The following CBX2 variants were observed in gnomAD, a reference collection of about 807,000 sequenced individuals.
CBX2 encodes the protein chromobox protein homolog 2.
In CBX2, 11 loss-of-function variants were observed where a neutral mutation model predicts 21.0. The ratio of observed to expected loss-of-function variants is 0.52; its 90% CI spans 0.33 to 0.87. The LOEUF (loss-of-function observed/expected upper bound fraction) is 0.87, where lower values mean the gene tolerates loss of function less well. Among genes scored for constraint, CBX2 ranks in the 40% least tolerant of loss-of-function variants. CBX2 has a pLI of 0.02. For missense variants in CBX2, 746 were observed against 724.3 expected, an observed-to-expected ratio of 1.03 and a Z score of -0.34; for synonymous variants, 364 against 304.6, an observed-to-expected ratio of 1.19 and a Z score of -2.03.
chr17:79,784,837 G>A lies in CBX2; in HGVS notation c.1394G>A (p.Ser465Asn). The change falls in exon 5 of 5, where the codon AGC becomes AAC. Residue 465 changes from serine to asparagine, a missense_variant. This residue lies in a region of CBX2 where 701 missense variants were observed against 650.7 expected (regional missense o/e 1.08). Transcript: ENST00000310942. The surrounding 1 kb of genome is among the most constrained non-coding windows in gnomAD (Gnocchi z 5.9). ...LPEMSAGEESSSSDSDPDSAS... is the reference protein window; with the variant it reads ...LPEMSAGEESNSSDSDPDSAS... ...GAGATGAGCGCAGGTGAGGAGAGTA[G>A]CAGCTCGGACTCCGACCCCGACTCC... The A allele has an allele frequency of 6.2e-7, 1 of 1,612,402 alleles. No individual in the cohort carries two copies. Among genetic ancestry groups the A allele is most frequent in the African/African-American group, 1.3e-5 (1 of 75,038 alleles).
intron 4 of CBX2, 89 bp downstream of exon 4, chr17:79,781,890 G>A (rs1555830393): frequency 1.9e-6 from 3 of 1,614,072 alleles, no homozygotes; most frequent in Admixed American, 1.7e-5. Context: ...GGGCCCTCAG[G>A]AAGGGGGTGG....
intron 4 of CBX2, chr17:79,782,264 T>C: frequency 6.4e-7 from 1 of 1,557,766 alleles, no homozygotes; most frequent in Admixed American, 1.9e-5. Context: ...CAGGGCTGAC[T>C]GAATAGCCAG....
At chr17:79,783,630 G>A (rs192651504) in intron 4 of CBX2, 102 bp from the exon 5 acceptor site, 105 of 1,016,482 alleles carry the variant, frequency 1.0e-4, no homozygotes, top group Non-Finnish European at 6.0e-6. Context: ...GGCTGGTCTT[G>A]AACTCCTGAC....
Position 79,784,222 on chromosome 17 carries a change from T to C in CBX2, c.779T>C (p.Met260Thr). The C allele has an allele frequency of 1.2e-6, 2 of 1,612,842 alleles. No individual in the cohort carries two copies. The highest frequency in any genetic ancestry group is 1.7e-6 in the Non-Finnish European group (2 of 1,179,928). Residue 260 changes from methionine to threonine, a missense_variant, in exon 5 of 5, where the codon ATG becomes ACG. This residue lies in a region of CBX2 where 701 missense variants were observed against 650.7 expected (regional missense o/e 1.08). Transcript: ENST00000310942. This position sits in a 1 kb window ranked among gnomAD's most constrained non-coding sequence, Gnocchi z 5.9. ...TGGCAGAGCTCCATCGTGCACTACA[T>C]GAACCGGATGACCCAGAGCCAGGCC... The part of the protein sequence containing the change: ...ISWQSSIVHY[M>T]NRMTQSQAQA...
At position 79,785,079 on chromosome 17, in the gene CBX2, T is replaced by C. The variant is rs1355762314; in HGVS notation, c.*37T>C. ...CACCAGCTGCGCGGTCTTACTCCCCTTCCCTGCCTATGGTGTCGCTTGGCT... is the reference window on the plus strand; with the variant it reads ...CACCAGCTGCGCGGTCTTACTCCCCCTCCCTGCCTATGGTGTCGCTTGGCT... On this transcript the variant is annotated 3_prime_UTR_variant, in exon 5 of 5. Transcript: ENST00000310942. 8 of 1,536,674 alleles carry C rather than the reference T, an allele frequency of 5.2e-6. No individual in the cohort carries two copies. The highest frequency in any genetic ancestry group is 7.1e-6 in the Non-Finnish European group (8 of 1,123,434).
intron 4 of CBX2, among the ~76,000 whole-genome samples, chr17:79,783,107 G>T (rs937953064): frequency 6.6e-6 from 1 of 152,186 alleles, no homozygotes; most frequent in Non-Finnish European, 1.5e-5. Flanking sequence ...CTGCTCTACA[G>T]CCCGGAGCTA....
At position 79,783,971 on chromosome 17, in the gene CBX2, C is replaced by T; in HGVS notation, c.528C>T (p.Thr176=). ...RKPLPPEQKA[T]RRPVSLAKVL... is the part of the protein sequence containing the mutation. ...CCCTGCCCCCAGAGCAAAAGGCAAC[C>T]CGAAGACCCGTGAGCCTGGCCAAGG... is the stretch of plus-strand genomic sequence containing the variant. The change falls in exon 5 of 5, where the codon ACC becomes ACT. Residue 176 remains threonine (T), a synonymous_variant. Coordinates refer to ENST00000310942, the MANE Select transcript of CBX2 (RefSeq NM_005189.3). The T allele has an allele frequency of 6.2e-7, 1 of 1,613,808 alleles. No homozygotes were observed. Among genetic ancestry groups the T allele is most frequent in the Non-Finnish European group, 8.5e-7 (1 of 1,180,036 alleles).
chr17:79,783,663 G>A, intron 4 of CBX2, 69 bp from the exon 5 acceptor site: 2 of 1,378,934 alleles, frequency 1.5e-6, no homozygotes, highest in Non-Finnish European at 2.0e-6. Context: ...ACCCGCTTCG[G>A]CCTCCCAAAG....
Position 79,784,404 on chromosome 17 carries a change from G to A in CBX2, c.961G>A (p.Val321Met). 6.2e-7 allele frequency: 1 copy of A among 1,612,422 alleles called. No individual in the cohort carries two copies. The highest frequency in any genetic ancestry group is 8.5e-7 in the Non-Finnish European group (1 of 1,179,660). Residue 321 changes from valine (V) to methionine (M), a missense_variant, in exon 5 of 5, where the codon GTG (valine) becomes ATG (methionine). By Grantham distance (21) the Val-to-Met change is conservative. Transcript: ENST00000310942. This position sits in a 1 kb window ranked among gnomAD's most constrained non-coding sequence, Gnocchi z 5.9. ...CAGCGGTGGGGCTGTGGAGCAGAAA[G>A]TGGGGAACACAGGGGGCCCCCCGCA... ...APSGGAVEQK[V>M]GNTGGPPHTH...
Position 79,785,417 on chromosome 17 carries a change from T to C in CBX2, c.*375T>C. Reference sequence around the variant, plus strand: ...CTCCTCCCTGGCCTGCGTGACTGAATCACAGCTTTGGTCCCTGTCTTGCAG... The same window carrying C: ...CTCCTCCCTGGCCTGCGTGACTGAACCACAGCTTTGGTCCCTGTCTTGCAG... On this transcript the variant is annotated 3_prime_UTR_variant, in exon 5 of 5. Transcript: ENST00000310942. 3.2e-6 allele frequency: 1 copy of C among 311,824 alleles called. No homozygotes were observed. The highest frequency in any genetic ancestry group is 6.2e-6 in the Non-Finnish European group (1 of 160,942). 19.3% of individuals were successfully genotyped at this position (311,824 alleles called of 1,614,324 possible).
At position 79,787,421 on chromosome 17, in the gene CBX2, G is replaced by A. The variant is rs1323389767; in HGVS notation, c.*2379G>A. On this transcript the variant is annotated 3_prime_UTR_variant, in exon 5 of 5. Transcript: ENST00000310942. ...TGAATCTGCAGATACCTTACTCCCA[G>A]CCACTTTGCCTTCTTACTGTGTTGT... 6.5e-6 allele frequency: 1 copy of A among 152,702 alleles called. No homozygotes were observed. Among genetic ancestry groups the A allele is most frequent in the African/African-American group, 2.4e-5 (1 of 41,456 alleles). The allele number at this position is 152,702 out of a possible 1,614,324, so 9.5% of individuals were successfully genotyped here.
chr17:79,782,077 C>T (rs2145825368), intron 4 of CBX2: 1 of 1,613,838 alleles, frequency 6.2e-7, no homozygotes, highest in South Asian at 1.1e-5. Flanking sequence ...GGTCAAACTG[C>T]TGCAGACAAG....
rs1906949745 is a variant in CBX2 at position 79,778,948 on chromosome 17, C to T, written c.117-414C>T. On this transcript the variant is annotated intron_variant, in intron 2 of 4. Transcript: ENST00000310942. The surrounding 1 kb of genome is among the most constrained non-coding windows in gnomAD (Gnocchi z 4.8). ...TCGAGGTGCCCCGGCCCGCGCGCCA[C>T]ATTGTTCTGGATCTCGGGCTGGGCG... Among the ~76,000 whole-genome samples the T allele has an allele frequency of 6.6e-6, 1 of 152,222 alleles. No homozygotes were observed. The highest frequency in any genetic ancestry group is 2.1e-4 in the South Asian group (1 of 4,828).
At position 79,784,536 on chromosome 17, in the gene CBX2, A is replaced by G. The variant is rs782079665; in HGVS notation, c.1093A>G (p.Met365Val). 4 of 1,612,480 alleles carry G rather than the reference A, an allele frequency of 2.5e-6. No individual in the cohort carries two copies. Among genetic ancestry groups the G allele is most frequent in the Non-Finnish European group, 3.4e-6 (4 of 1,179,862 alleles). Residue 365 changes from methionine to valine, a missense_variant, in exon 5 of 5, where the codon ATG becomes GTG. Physicochemically the swap from Met to Val is conservative, Grantham distance 21. Around this residue, in one of 2 missense-constraint regions of CBX2, gnomAD observed 701 missense variants for 650.7 expected, o/e 1.08. Transcript: ENST00000310942. The surrounding 1 kb of genome is among the most constrained non-coding windows in gnomAD (Gnocchi z 5.9). Reference sequence around the variant, plus strand: ...GGACTTGCAGAGTGTCAAGAATGGCATGCCCGGGGTGGGTCTCCTTGCCCG... The same window carrying G: ...GGACTTGCAGAGTGTCAAGAATGGCGTGCCCGGGGTGGGTCTCCTTGCCCG... The part of the protein sequence containing the change: ...VLDLQSVKNG[M>V]PGVGLLARHA...
chr17:79,781,409 C>T (rs899041489), intron 3 of CBX2, among the ~76,000 whole-genome samples: 1 of 152,140 alleles, frequency 6.6e-6, no homozygotes, highest in Non-Finnish European at 1.5e-5. Context: ...AGTGCACCTG[C>T]AGGAAGCTGT....
chr17:79,779,682 A>C (rs1373597312), intron 3 of CBX2: 1 of 541,984 alleles, frequency 1.8e-6, no homozygotes, highest in East Asian at 3.0e-5. Context: ...TGTTTCCGAC[A>C]GCCATACTTG....
In CBX2 at chr17:79,784,736, C is replaced by T. The variant is rs1555831336; in HGVS notation, c.1293C>T (p.Val431=). The change falls in exon 5 of 5, where the codon GTC becomes GTT. Residue 431 remains valine, a synonymous_variant. Transcript: ENST00000310942. This position sits in a 1 kb window ranked among gnomAD's most constrained non-coding sequence, Gnocchi z 5.9. The part of the protein sequence containing the change: ...PPTPASKRDC[V]KGSATPSGQE... ...CCCCTGCCAGCAAGAGGGACTGTGT[C>T]AAGGGCAGTGCTACCCCCAGTGGGC... is the stretch of plus-strand genomic sequence containing the variant. The T allele has an allele frequency of 6.2e-7, 1 of 1,611,272 alleles. No homozygotes were observed. Among genetic ancestry groups the T allele is most frequent in the East Asian group, 2.2e-5 (1 of 44,788 alleles).
chr17:79,784,524 G>A lies in CBX2; in HGVS notation c.1081G>A (p.Val361Ile). The A allele has an allele frequency of 6.2e-7, 1 of 1,612,682 alleles. No individual in the cohort carries two copies. ...LSLQVLDLQS[V>I]KNGMPGVGLL... ...CCTCCAGGTCTTGGACTTGCAGAGTGTCAAGAATGGCATGCCCGGGGTGGG... is the reference window on the plus strand; with the variant it reads ...CCTCCAGGTCTTGGACTTGCAGAGTATCAAGAATGGCATGCCCGGGGTGGG... Residue 361 changes from valine (V) to isoleucine (I), a missense_variant, in exon 5 of 5, where the codon GTC (valine) becomes ATC (isoleucine). By Grantham distance (29) the Val-to-Ile change is conservative. Coordinates refer to ENST00000310942, the MANE Select transcript of CBX2 (RefSeq NM_005189.3). This position sits in a 1 kb window ranked among gnomAD's most constrained non-coding sequence, Gnocchi z 5.9.
At chr17:79,780,447 T>C (rs1907093355) in intron 3 of CBX2, among the ~76,000 whole-genome samples, 1 of 152,176 alleles carries the variant, frequency 6.6e-6, no homozygotes, top group Non-Finnish European at 1.5e-5. Flanking sequence ...CAGCAACCCA[T>C]CGTCTTCTGT....
Sources: allele counts gnomAD v4.1 joint callset (sites outside exome capture counted in the v4.1 genomes callset), GRCh38; gene constraint gnomAD v4.1.1; regional missense constraint gnomAD v4.1.1; non-coding constraint Gnocchi (gnomAD v3.1); transcripts MANE v1.5; gene names NCBI Gene and HGNC (gene_info 2026-07-23, HGNC 2026-07-21).